Variants in CHURC1 observed in about 807,000 individuals in gnomAD.
CHURC1 encodes protein Churchill.
Under a neutral mutation model 15.4 loss-of-function variants are expected in CHURC1, and 12 were observed. The ratio of observed to expected loss-of-function variants is 0.78; its 90% confidence interval spans 0.50 to 1.27. The LOEUF is 1.27. Ranked by LOEUF, CHURC1 falls within the 50% of genes most tolerant of loss-of-function variation. The pLI is 0.00. For synonymous variants in CHURC1, 42 were observed against 47.5 expected (o/e 0.88, Z 0.48); for missense variants, 132 against 137.8 (o/e 0.96, Z 0.21).
intron 1 of CHURC1, among the ~76,000 whole-genome samples, chr14:64,922,773 C>T (rs1481316494): frequency 6.6e-6 from 1 of 151,878 alleles, no homozygotes; most frequent in Non-Finnish European, 1.5e-5. Flanking sequence ...GGAGAGATTC[C>T]TCAATATATA....
chr14:64,919,133 A>G (rs574459021), intron 1 of CHURC1, among the ~76,000 whole-genome samples: 1 of 152,314 alleles, frequency 6.6e-6, no homozygotes, highest in South Asian at 2.1e-4. Flanking sequence ...TCCTTCAGAA[A>G]AGCATTTAGC....
chr14:64,918,746 T>C (rs1276755755), intron 1 of CHURC1, among the ~76,000 whole-genome samples: 1 of 152,058 alleles, frequency 6.6e-6, no homozygotes, highest in East Asian at 1.9e-4. Flanking sequence ...GGCAGGAGGA[T>C]TCCCTCAACC....
At position 64,914,535 on chromosome 14, in the gene CHURC1, G is replaced by T; in HGVS notation, c.39+1G>T. The T allele has an allele frequency of 6.2e-7, 1 of 1,614,240 alleles. No individual in the cohort carries two copies. Among genetic ancestry groups the T allele is most frequent in the Non-Finnish European group, 8.5e-7 (1 of 1,180,016 alleles). ...TGTGGAGAAGGAATATCCCAACCGG[G>T]TGAGCGACTGGGCGCTCCCTTGGCC... On this transcript the variant is annotated splice_donor_variant, in intron 1 of 3. Coordinates refer to ENST00000549115, the MANE Select transcript of CHURC1 (RefSeq NM_001386928.1). LOFTEE classifies it high-confidence loss of function.
intron 3 of CHURC1, among the ~76,000 whole-genome samples, chr14:64,929,946 C>CCA (rs1566831659): frequency 6.7e-6 from 1 of 148,534 alleles, no homozygotes; most frequent in African/African-American, 2.5e-5. Context: ...AAAGCCCCCC[C>CCA]CCACACACAC....
At chr14:64,926,803 A>T (rs2139904849) in intron 3 of CHURC1, among the ~76,000 whole-genome samples, 1 of 152,344 alleles carries the variant, frequency 6.6e-6, no homozygotes, top group South Asian at 2.1e-4. Flanking sequence ...TATCATAAGG[A>T]TTAATCCTTA....
intron 3 of CHURC1, among the ~76,000 whole-genome samples, chr14:64,930,128 A>G (rs1394923234): frequency 6.6e-6 from 1 of 152,050 alleles, no homozygotes; most frequent in Non-Finnish European, 1.5e-5. Flanking sequence ...AAAAAAAAAA[A>G]AAAGATCTGG....
intron 1 of CHURC1, among the ~76,000 whole-genome samples, chr14:64,923,583 A>G (rs1884471929): frequency 1.3e-5 from 2 of 152,062 alleles, no homozygotes; most frequent in African/African-American, 4.8e-5. Context: ...TCATTGACTC[A>G]GTTTCTATTT....
chr14:64,920,520 A>C (rs1421415139), intron 1 of CHURC1, among the ~76,000 whole-genome samples: 1 of 152,216 alleles, frequency 6.6e-6, no homozygotes, highest in East Asian at 1.9e-4. Flanking sequence ...TCAAATGACC[A>C]GGGCTCTTAA....
intron 2 of CHURC1, 33 bp downstream of exon 2, chr14:64,924,159 T>C: frequency 6.3e-7 from 1 of 1,576,626 alleles, no homozygotes; most frequent in Non-Finnish European, 8.6e-7. Context: ...CCTGAGTGTG[T>C]TAGCAGGTGT....
chr14:64,923,256 G>C (rs1884444958), intron 1 of CHURC1, among the ~76,000 whole-genome samples: 1 of 113,704 alleles, frequency 8.8e-6, no homozygotes, highest in Non-Finnish European at 1.7e-5. Context: ...AACATAGCAA[G>C]ACCCCATCTC....
rs963302640 is a variant in CHURC1, at chr14:64,932,294, T to C, written c.*64T>C. 1.9e-6 allele frequency: 3 copies of C among 1,564,490 alleles called. No homozygotes were observed. In the African/African-American group the frequency reaches 4.1e-5, roughly 21 times the overall value. On this transcript the variant is annotated 3_prime_UTR_variant, in exon 4 of 4. Coordinates refer to ENST00000549115, the MANE Select transcript of CHURC1 (RefSeq NM_001386928.1). ...GTTTACAATACAGCAAGCCTGATGG[T>C]TTGTCTTATTTCATTCATACTGAAA...
intron 1 of CHURC1, among the ~76,000 whole-genome samples, chr14:64,917,361 G>T (rs1481300362): frequency 6.6e-6 from 1 of 152,160 alleles, no homozygotes; most frequent in Admixed American, 6.5e-5. Context: ...TCAGGAGTTC[G>T]AGACCAGCTT....
At chr14:64,923,870 A>G (rs1792238367) in intron 1 of CHURC1, 121 bp from the exon 2 acceptor site, 1 of 952,070 alleles carries the variant, frequency 1.1e-6, no homozygotes, top group Admixed American at 4.1e-5. Context: ...TATATGACCT[A>G]GAAGTAAATG....
intron 2 of CHURC1, among the ~76,000 whole-genome samples, chr14:64,925,803 C>T (rs556896645): frequency 1.4e-5 from 2 of 146,836 alleles, no homozygotes; most frequent in Admixed American, 6.7e-5. Flanking sequence ...TTAATAAAAG[C>T]TCAGACTCAG....
intron 1 of CHURC1, among the ~76,000 whole-genome samples, 179 bp from the exon 2 acceptor site, chr14:64,923,812 A>T (rs1256896452): frequency 1.4e-5 from 2 of 140,482 alleles, no homozygotes; most frequent in Non-Finnish European, 3.0e-5. Flanking sequence ...TTTTTTTAAC[A>T]TGAGTAACAC....
intron 2 of CHURC1, among the ~76,000 whole-genome samples, chr14:64,925,542 C>T (rs1202585472): frequency 2.0e-5 from 3 of 151,728 alleles, no homozygotes; most frequent in Non-Finnish European, 4.4e-5. Context: ...AGTGTGTTGG[C>T]ACATGTCTTG....
intron 3 of CHURC1, among the ~76,000 whole-genome samples, chr14:64,930,550 T>C (rs1343364427): frequency 6.6e-6 from 1 of 152,220 alleles, no homozygotes; most frequent in East Asian, 1.9e-4. Context: ...ATTACAGGTG[T>C]AATCAGTCTC....
intron 3 of CHURC1, among the ~76,000 whole-genome samples, chr14:64,930,430 T>G (rs1237932543): frequency 6.6e-6 from 1 of 152,198 alleles, no homozygotes; most frequent in Non-Finnish European, 1.5e-5. Flanking sequence ...GACTTGTGGA[T>G]TTTCCTGGGA....
chr14:64,921,473 A>G (rs1237585531), intron 1 of CHURC1, among the ~76,000 whole-genome samples: 1 of 83,878 alleles, frequency 1.2e-5, no homozygotes, highest in Non-Finnish European at 2.3e-5. Context: ...TACAACTCAA[A>G]ATAAACAACC....
Sources: allele counts gnomAD v4.1 joint callset (sites outside exome capture counted in the v4.1 genomes callset), GRCh38; gene constraint gnomAD v4.1.1; transcripts MANE v1.5; gene names NCBI Gene and HGNC (gene_info 2026-07-23, HGNC 2026-07-21).